IPO11: variants seen among roughly 807,000 people sequenced by gnomAD.
IPO11 encodes importin-11.
Under a neutral mutation model 143.2 loss-of-function variants are expected in IPO11, and 66 were observed. That is an observed-to-expected ratio of 0.46 (90% CI 0.38 to 0.57). IPO11 has a LOEUF of 0.57. IPO11 is among the 20% of genes least tolerant of loss of function. The pLI is 0.00. For synonymous variants in IPO11, 385 were observed against 377.8 expected (o/e 1.02, Z -0.22); for missense variants, 1,026 against 1,141.0 (o/e 0.90, Z 1.45).
intron 27 of IPO11, among the ~76,000 whole-genome samples, chr5:62,586,451 G>A (rs1420188478): frequency 1.3e-5 from 2 of 151,968 alleles, no homozygotes; most frequent in African/African-American, 4.8e-5. Context: ...TTAATCCCAA[G>A]CTACAATTAC....
At chr5:62,436,795 C>T (rs1216025494) in intron 1 of IPO11, among the ~76,000 whole-genome samples, 2 of 152,184 alleles carry the variant, frequency 1.3e-5, no homozygotes, top group Non-Finnish European at 2.9e-5. Context: ...GAGTACTTTA[C>T]TAACAAGTCA....
intron 5 of IPO11, among the ~76,000 whole-genome samples, chr5:62,462,398 G>A (rs1745390967): frequency 6.6e-6 from 1 of 151,358 alleles, no homozygotes; most frequent in East Asian, 1.9e-4. Context: ...AGGATTTTAT[G>A]TTGAATATGT....
At chr5:62,598,110 C>T (rs1745294780) in intron 28 of IPO11, among the ~76,000 whole-genome samples, 1 of 152,124 alleles carries the variant, frequency 6.6e-6, no homozygotes, top group Non-Finnish European at 1.5e-5. Flanking sequence ...TAGATGTCTT[C>T]TTATGTCTAA....
intron 5 of IPO11, among the ~76,000 whole-genome samples, chr5:62,465,909 C>A (rs1233505084): frequency 2.6e-5 from 4 of 152,242 alleles, no homozygotes; most frequent in African/African-American, 9.6e-5. Flanking sequence ...ATAGATGACT[C>A]TAATGTGACT....
chr5:62,603,685 G>C (rs1745592336), intron 29 of IPO11, among the ~76,000 whole-genome samples: 1 of 152,196 alleles, frequency 6.6e-6, no homozygotes, highest in Admixed American at 6.5e-5. Flanking sequence ...GGAAACTGGA[G>C]TACCCAGAGA....
intron 9 of IPO11, among the ~76,000 whole-genome samples, chr5:62,478,710 A>T (rs1746059111): frequency 6.6e-6 from 1 of 152,000 alleles, no homozygotes; most frequent in Non-Finnish European, 1.5e-5. Context: ...CATGTTTTGA[A>T]TTTGATTGCT....
chr5:62,592,760 G>A (rs1745073171), intron 28 of IPO11, among the ~76,000 whole-genome samples: 1 of 152,054 alleles, frequency 6.6e-6, no homozygotes, highest in South Asian at 2.1e-4. Context: ...GTGCAAAAGG[G>A]GAAAAACCCC....
intron 16 of IPO11, among the ~76,000 whole-genome samples, chr5:62,504,215 T>C (rs1444087773): frequency 6.6e-6 from 1 of 152,220 alleles, no homozygotes; most frequent in African/African-American, 2.4e-5. Flanking sequence ...TTCAAAGATT[T>C]ACTGTAATTG....
intron 2 of IPO11, among the ~76,000 whole-genome samples, chr5:62,441,403 G>C (rs1000534880): frequency 2.0e-5 from 3 of 149,310 alleles, no homozygotes; most frequent in Non-Finnish European, 3.0e-5. Context: ...CTCCATGTTG[G>C]TCAGGCTGGT....
In IPO11 at chr5:62,512,616, T is replaced by TA. The variant is rs1580266650; in HGVS notation, c.1783-2772_1783-2771insA. 3.4e-5 allele frequency: 18 copies of TA among 522,802 alleles called. No individual in the cohort carries two copies. In the East Asian group the frequency reaches 5.4e-4, roughly 16 times the overall value. 32.4% of individuals were successfully genotyped at this position (522,802 alleles called of 1,614,324 possible). A position where few individuals can be genotyped will look rare whatever the true frequency, so the allele number is the denominator to read the frequency against. On this transcript the variant is annotated intron_variant, in intron 19 of 29. Transcript: ENST00000325324. Reference sequence around the variant, plus strand: ...TGTTGTTTTCTTTTTAATTTTATTTTTTTTTTAATTGATCATTCTTGGGTG... The same window carrying TA: ...TGTTGTTTTCTTTTTAATTTTATTTTATTTTTTAATTGATCATTCTTGGGTG...
intron 20 of IPO11, among the ~76,000 whole-genome samples, chr5:62,523,043 T>G (rs559783864): frequency 6.6e-6 from 1 of 152,250 alleles, no homozygotes; most frequent in African/African-American, 2.4e-5. Flanking sequence ...GTCTTTTTTC[T>G]GTAGTGTAAA....
chr5:62,537,385 A>G (rs1183236144), intron 24 of IPO11, 96 bp downstream of exon 24: 1 of 793,466 alleles, frequency 1.3e-6, no homozygotes, highest in East Asian at 2.7e-5. Context: ...GAAGGAGAAG[A>G]GTTGATATAG....
At chr5:62,491,840 G>C (rs1197248434) in intron 15 of IPO11, among the ~76,000 whole-genome samples, 1 of 151,414 alleles carries the variant, frequency 6.6e-6, no homozygotes, top group East Asian at 1.9e-4. Context: ...TAATTTTTTT[G>C]TATTTTTTTT....
At chr5:62,580,641 T>C in intron 27 of IPO11, 1 of 1,551,486 alleles carries the variant, frequency 6.4e-7, no homozygotes, top group Non-Finnish European at 8.7e-7. Context: ...ATATTAACAT[T>C]ACAAATTGTG....
intron 29 of IPO11, among the ~76,000 whole-genome samples, chr5:62,626,038 T>G (rs1485243470): frequency 6.6e-6 from 1 of 151,832 alleles, no homozygotes; most frequent in Non-Finnish European, 1.5e-5. Context: ...TTCTTTTTCT[T>G]TTTTTTTTCG....
intron 28 of IPO11, among the ~76,000 whole-genome samples, chr5:62,598,645 A>G (rs1020827760): frequency 4.0e-5 from 6 of 149,388 alleles, no homozygotes; most frequent in African/African-American, 1.5e-4. Context: ...ACCAGGTTCA[A>G]GCAGTTCTCT....
intron 5 of IPO11, among the ~76,000 whole-genome samples, chr5:62,458,146 C>CA (rs58357821): frequency 0.038 from 2,393 of 62,826 alleles, 50 homozygotes; most frequent in Middle Eastern, 0.069. Flanking sequence ...GACTCTGTCT[C>CA]AAAAAAAAAA....
rs1475571541 is a variant in IPO11, at chr5:62,580,207, C to G, written c.2583-11370C>G. On this transcript the variant is annotated intron_variant, in intron 27 of 29. Transcript: ENST00000325324. ...TAAAGGACTTGCCAATCTGGAATACCTCCTCCTGAAAAATTCAAGAATTAG... is the reference window on the plus strand; with the variant it reads ...TAAAGGACTTGCCAATCTGGAATACGTCCTCCTGAAAAATTCAAGAATTAG... 3 of 1,551,008 alleles carry G rather than the reference C, an allele frequency of 1.9e-6. No homozygotes were observed. In the East Asian group the frequency reaches 7.3e-5, roughly 38 times the overall value.
chr5:62,443,561 G>C (rs1744588251), intron 3 of IPO11, among the ~76,000 whole-genome samples: 1 of 151,448 alleles, frequency 6.6e-6, no homozygotes, highest in South Asian at 2.1e-4. Context: ...ACAGGAGTTT[G>C]AGATCATCCT....
Sources: gnomAD v4.1 joint callset for allele counts (sites outside exome capture counted in the v4.1 genomes callset) on GRCh38, gnomAD v4.1.1 for gene constraint, MANE v1.5 for transcripts, NCBI Gene and HGNC (gene_info 2026-07-23, HGNC 2026-07-21) for gene names.